FMN2: variants seen among roughly 807,000 people sequenced by gnomAD.
FMN2 encodes the protein formin 2, also known as formin-2.
In FMN2, 51 loss-of-function variants were observed where a neutral mutation model predicts 142.3. The ratio of observed to expected loss-of-function variants is 0.36; its 90% CI spans 0.29 to 0.45. The LOEUF (loss-of-function observed/expected upper bound fraction) is 0.45. Among genes scored for constraint, FMN2 ranks in the 20% least tolerant of loss-of-function variants. The pLI is 1.00. For missense variants in FMN2, 1,936 were observed against 2,122.8 expected (o/e 0.91, Z 1.73); for synonymous variants, 882 against 869.8 (o/e 1.01, Z -0.25).
At chr1:240,121,630 C>T (rs1028319723) in intron 1 of FMN2, among the ~76,000 whole-genome samples, 3 of 150,090 alleles carry the variant, frequency 2.0e-5, no homozygotes, top group Non-Finnish European at 4.4e-5. Flanking sequence ...ACCTCGTGAT[C>T]CGCCAGCCTC....
chr1:240,267,355 G>A (rs1242460637), intron 7 of FMN2, among the ~76,000 whole-genome samples: 1 of 151,978 alleles, frequency 6.6e-6, no homozygotes, highest in Non-Finnish European at 1.5e-5. Context: ...GGAGCTGGAG[G>A]CCATTATCCT....
intron 2 of FMN2, chr1:240,143,795 C>T: frequency 6.6e-7 from 1 of 1,511,704 alleles, no homozygotes; most frequent in Admixed American, 1.7e-5. Flanking sequence ...ATTGCAGGAC[C>T]CCACTGCTAT....
At chr1:240,424,019 G>A (rs749724997) in intron 15 of FMN2, among the ~76,000 whole-genome samples, 7 of 152,174 alleles carry the variant, frequency 4.6e-5, no homozygotes, top group Non-Finnish European at 1.0e-4. Context: ...CTACAGGTAT[G>A]TTTGTGGTGG....
chr1:240,279,128 C>T (rs1669313866), intron 7 of FMN2, among the ~76,000 whole-genome samples: 1 of 152,126 alleles, frequency 6.6e-6, no homozygotes, highest in Non-Finnish European at 1.5e-5. Context: ...GTAGGTTAAA[C>T]CTTCCTCCAA....
At chr1:240,365,011 A>G (rs1421012025) in intron 14 of FMN2, among the ~76,000 whole-genome samples, 1 of 152,240 alleles carries the variant, frequency 6.6e-6, no homozygotes, top group African/African-American at 2.4e-5. Flanking sequence ...TGTATCTATT[A>G]TAAAATACAG....
chr1:240,093,441 G>T lies in FMN2; in HGVS notation c.1332G>T (p.Lys444Asn). The change falls in exon 1 of 18, where the codon AAG becomes AAT. Residue 444 changes from lysine (K) to asparagine (N), a missense_variant. By Grantham distance (94) the Lys-to-Asn change is moderately conservative. Coordinates refer to ENST00000319653, the MANE Select transcript of FMN2 (RefSeq NM_020066.5). Reference protein sequence around the residue: ...SQSPNQSPRIKRRPEPSLSRG... With the variant: ...SQSPNQSPRINRRPEPSLSRG... Reference sequence around the variant, plus strand: ...CCCCTAATCAGAGCCCCAGGATCAAGAGGCGGCCGGAACCCTCCCTGAGCC... The same window carrying T: ...CCCCTAATCAGAGCCCCAGGATCAATAGGCGGCCGGAACCCTCCCTGAGCC... 6.2e-7 allele frequency: 1 copy of T among 1,613,678 alleles called. No homozygotes were observed. Among genetic ancestry groups the T allele is most frequent in the Non-Finnish European group, 8.5e-7 (1 of 1,179,786 alleles).
At chr1:240,304,225 C>G (rs115258215) in intron 8 of FMN2, among the ~76,000 whole-genome samples, 1,894 of 152,156 alleles carry the variant, frequency 0.012, 7 homozygotes, top group Non-Finnish European at 0.021. Context: ...ACTTTTGTTT[C>G]TTTGTATGTC....
At chr1:240,134,138 G>A (rs1055135947) in intron 2 of FMN2, among the ~76,000 whole-genome samples, 1 of 152,128 alleles carries the variant, frequency 6.6e-6, no homozygotes, top group Non-Finnish European at 1.5e-5. Flanking sequence ...ATTAGTGATT[G>A]GTATTTAATA....
intron 15 of FMN2, among the ~76,000 whole-genome samples, chr1:240,412,503 G>A (rs1674432287): frequency 6.6e-6 from 1 of 152,066 alleles, no homozygotes; most frequent in Admixed American, 6.6e-5. Context: ...ATATACTGAA[G>A]GCCATAACTG....
chr1:240,420,032 G>A (rs1314570386), intron 15 of FMN2, among the ~76,000 whole-genome samples: 1 of 152,054 alleles, frequency 6.6e-6, no homozygotes, highest in Non-Finnish European at 1.5e-5. Context: ...GTGGTACCCG[G>A]GCTTCTGGTC....
intron 6 of FMN2, among the ~76,000 whole-genome samples, chr1:240,228,283 A>G (rs1021829654): frequency 3.6e-5 from 5 of 138,358 alleles, no homozygotes; most frequent in Non-Finnish European, 7.7e-5. Flanking sequence ...AGCCTGGGCA[A>G]CAAGAGTGAA....
chr1:240,409,281 G>T (rs186382011), intron 15 of FMN2, among the ~76,000 whole-genome samples: 1 of 151,940 alleles, frequency 6.6e-6, no homozygotes, highest in African/African-American at 2.4e-5. Flanking sequence ...AGCTGGGACC[G>T]CAGGCGTACA....
intron 6 of FMN2, among the ~76,000 whole-genome samples, chr1:240,252,420 A>G (rs1036801165): frequency 6.6e-6 from 1 of 152,158 alleles, no homozygotes; most frequent in African/African-American, 2.4e-5. Flanking sequence ...TAGGACTACC[A>G]TAAGCTTTTA....
intron 8 of FMN2, among the ~76,000 whole-genome samples, chr1:240,309,148 A>G (rs1460479424): frequency 6.6e-6 from 1 of 152,208 alleles, no homozygotes; most frequent in African/African-American, 2.4e-5. Flanking sequence ...GTACAAGAAT[A>G]TAGTGATAAC....
At chr1:240,285,360 G>A (rs1669550224) in intron 7 of FMN2, 2 of 450,898 alleles carry the variant, frequency 4.4e-6, no homozygotes, top group East Asian at 1.4e-4. Context: ...CATGTATAGA[G>A]TGTGCTGTCT....
Position 240,231,057 on chromosome 1 carries a change from T to A in FMN2, c.4065+19822T>A, listed in dbSNP as rs1005921423. On this transcript the variant is annotated intron_variant, in intron 6 of 17. Transcript: ENST00000319653. The stretch of plus-strand genomic sequence containing the variant: ...CTAGATTGCAGTATTCCCCCAGTGA[T>A]GCCAGACTGACTTGGCTGTTGTGTT... Among the ~76,000 whole-genome samples, 3 of 132,060 alleles carry A rather than the reference T, an allele frequency of 2.3e-5. 1 individual carries two copies. The highest frequency in any genetic ancestry group is 4.4e-4 in the East Asian group (2 of 4,516). The allele number at this position is 132,060 out of a possible 152,430, so 86.6% of individuals were successfully genotyped here.
chr1:240,337,299 C>T (rs1453505345), intron 13 of FMN2, among the ~76,000 whole-genome samples: 1 of 151,024 alleles, frequency 6.6e-6, no homozygotes, highest in Non-Finnish European at 1.5e-5. Flanking sequence ...GCCTCTGCCT[C>T]CCCATCTCCT....
At chr1:240,263,621 C>T (rs925738361) in intron 7 of FMN2, among the ~76,000 whole-genome samples, 6 of 152,148 alleles carry the variant, frequency 3.9e-5, no homozygotes, top group African/African-American at 1.4e-4. Flanking sequence ...GCGTTAACTG[C>T]CTCTGGAGAA....
At chr1:240,215,688 C>G (rs370338875) in intron 6 of FMN2, among the ~76,000 whole-genome samples, 2 of 151,906 alleles carry the variant, frequency 1.3e-5, no homozygotes, top group Non-Finnish European at 2.9e-5. Flanking sequence ...CTTTTAAAAC[C>G]TTTACCATGT....
Sources: gnomAD v4.1 joint callset for allele counts (sites outside exome capture counted in the v4.1 genomes callset) on GRCh38, gnomAD v4.1.1 for gene constraint, MANE v1.5 for transcripts, NCBI Gene and HGNC (gene_info 2026-07-23, HGNC 2026-07-21) for gene names.